TMEM132D: variants seen among roughly 807,000 people sequenced by gnomAD.
The protein encoded by TMEM132D is transmembrane protein 132D.
Under a neutral mutation model 62.3 loss-of-function variants are expected in TMEM132D, and 21 were observed. That is an observed-to-expected ratio of 0.34 (90% CI 0.24 to 0.49). The LOEUF (loss-of-function observed/expected upper bound fraction) is 0.49. Among genes scored for constraint, TMEM132D ranks in the 20% least tolerant of loss-of-function variants. TMEM132D has a pLI of 0.99. For synonymous variants in TMEM132D, 621 were observed against 575.6 expected (o/e 1.08, Z -1.13); for missense variants, 1,346 against 1,402.8 (o/e 0.96, Z 0.65).
At chr12:129,895,114 C>G (rs1014022489) in intron 1 of TMEM132D, among the ~76,000 whole-genome samples, 1 of 152,160 alleles carries the variant, frequency 6.6e-6, no homozygotes, top group African/African-American at 2.4e-5. Flanking sequence ...GGAACGTGCT[C>G]AAGGTTCATA....
At chr12:129,340,139 A>G (rs1054746576) in intron 3 of TMEM132D, among the ~76,000 whole-genome samples, 1 of 152,120 alleles carries the variant, frequency 6.6e-6, no homozygotes, top group Non-Finnish European at 1.5e-5. Context: ...CCTTTACTTC[A>G]TCTAATTTTA....
chr12:129,861,342 T>G (rs1427037727), intron 1 of TMEM132D, among the ~76,000 whole-genome samples: 2 of 152,184 alleles, frequency 1.3e-5, no homozygotes, highest in East Asian at 1.9e-4. Context: ...TGGGAGAAAT[T>G]TAGTTTATAG....
At chr12:129,408,089 C>T (rs1262703792) in intron 3 of TMEM132D, among the ~76,000 whole-genome samples, 1 of 152,062 alleles carries the variant, frequency 6.6e-6, no homozygotes, top group East Asian at 1.9e-4. Flanking sequence ...AAGTGATCTC[C>T]CCCCTCTGGT....
At chr12:129,721,668 T>C (rs897156937) in intron 1 of TMEM132D, among the ~76,000 whole-genome samples, 11 of 152,110 alleles carry the variant, frequency 7.2e-5, no homozygotes, top group African/African-American at 2.7e-4. Flanking sequence ...CAATGACAGA[T>C]GACCATAGGG....
intron 1 of TMEM132D, among the ~76,000 whole-genome samples, chr12:129,744,143 G>A (rs1036834778): frequency 6.6e-6 from 1 of 152,180 alleles, no homozygotes; most frequent in Non-Finnish European, 1.5e-5. Flanking sequence ...GGTGACAGCA[G>A]CTCCTGTCTC....
chr12:129,694,744 C>G (rs1565951494), intron 2 of TMEM132D, among the ~76,000 whole-genome samples: 1 of 152,220 alleles, frequency 6.6e-6, no homozygotes, highest in Non-Finnish European at 1.5e-5. Context: ...CACAGTGGCT[C>G]ACGCCTGTAA....
chr12:129,794,606 C>T (rs945687381), intron 1 of TMEM132D, among the ~76,000 whole-genome samples: 1 of 152,006 alleles, frequency 6.6e-6, no homozygotes, highest in African/African-American at 2.4e-5. Context: ...TGATATTGAG[C>T]CTTCCATAAT....
At chr12:129,262,016 T>C (rs1036784005) in intron 4 of TMEM132D, among the ~76,000 whole-genome samples, 3 of 152,004 alleles carry the variant, frequency 2.0e-5, no homozygotes, top group African/African-American at 7.2e-5. Context: ...GGAGGCATCA[T>C]TGAGAGAGTA....
At chr12:129,350,229 G>C (rs1051668806) in intron 3 of TMEM132D, among the ~76,000 whole-genome samples, 2 of 152,092 alleles carry the variant, frequency 1.3e-5, no homozygotes, top group Non-Finnish European at 2.9e-5. Flanking sequence ...GGAAATCAAA[G>C]ACTTCTCTTC....
At chr12:129,264,849 T>C (rs1000966066) in intron 4 of TMEM132D, among the ~76,000 whole-genome samples, 1 of 152,162 alleles carries the variant, frequency 6.6e-6, no homozygotes. Flanking sequence ...CTCACTGATA[T>C]GTGGGAGCTA....
intron 4 of TMEM132D, among the ~76,000 whole-genome samples, chr12:129,313,079 A>G (rs1205707132): frequency 1.3e-5 from 2 of 152,182 alleles, no homozygotes; most frequent in East Asian, 3.9e-4. Context: ...TTCCGGACAC[A>G]CTAGCTTGAA....
chr12:129,887,024 G>C (rs1386797590), intron 1 of TMEM132D, among the ~76,000 whole-genome samples: 1 of 152,160 alleles, frequency 6.6e-6, no homozygotes, highest in Non-Finnish European at 1.5e-5. Context: ...AAATTACCCA[G>C]TCTCGGGTAC....
intron 3 of TMEM132D, among the ~76,000 whole-genome samples, chr12:129,367,895 C>T (rs1364760766): frequency 6.6e-6 from 1 of 151,154 alleles, no homozygotes; most frequent in Non-Finnish European, 1.5e-5. Flanking sequence ...AAGTAATTCT[C>T]CTGCCTCAGC....
chr12:129,511,261 T>G (rs1875489208), intron 3 of TMEM132D, among the ~76,000 whole-genome samples: 1 of 152,216 alleles, frequency 6.6e-6, no homozygotes. Flanking sequence ...TTCTATAGAA[T>G]TTCACATAAA....
At chr12:129,076,044 TGC>T (rs768527823) in intron 8 of TMEM132D, among the ~76,000 whole-genome samples, 543 of 152,124 alleles carry the variant, frequency 3.6e-3, no homozygotes, top group Non-Finnish European at 6.4e-3. Flanking sequence ...AGACAGCTGC[TGC>T]CATTAGAGCC....
In TMEM132D at chr12:129,300,914, C is replaced by A. The variant is rs528502239; in HGVS notation, c.1299+36720G>T. On this transcript the variant is annotated intron_variant, in intron 4 of 8. Coordinates refer to ENST00000422113, the MANE Select transcript of TMEM132D (RefSeq NM_133448.3). ...CTCCAATCTGGTGCTTCACTTCAAC[C>A]TTTCCTTTATCCTCACACTCCCTAC... is the stretch of plus-strand genomic sequence containing the variant. 4.2e-4 allele frequency among the ~76,000 whole-genome samples: 64 copies of A among 152,306 alleles called. No individual in the cohort carries two copies. In the South Asian group the frequency reaches 0.012, roughly 30 times the overall value.
chr12:129,074,524 T>G lies in TMEM132D; in HGVS notation c.2651A>C (p.Asp884Ala), dbSNP rs373474487. 1.9e-6 allele frequency: 3 copies of G among 1,613,880 alleles called. No homozygotes were observed. The highest frequency in any genetic ancestry group is 2.5e-6 in the Non-Finnish European group (3 of 1,180,012). The stretch of plus-strand genomic sequence containing the variant: ...CACCTGGGCTGGGAAGCTGGTGAGG[T>G]CGCTGGGGATGGTCTGCAAGTGGCT... ...DNSHLQTIPSDLTSFPAQVDL... is the reference protein window; with the variant it reads ...DNSHLQTIPSALTSFPAQVDL... Residue 884 changes from aspartate (D) to alanine (A), a missense_variant, in exon 9 of 9, where the codon GAC (aspartate) becomes GCC (alanine). Coordinates refer to ENST00000422113, the MANE Select transcript of TMEM132D (RefSeq NM_133448.3).
At chr12:129,305,280 G>A (rs546837387) in intron 4 of TMEM132D, among the ~76,000 whole-genome samples, 22 of 124,798 alleles carry the variant, frequency 1.8e-4, no homozygotes, top group African/African-American at 6.5e-4. Context: ...AATTGCTCAA[G>A]CCTAAAGAAT....
At chr12:129,663,825 T>C (rs969117400) in intron 2 of TMEM132D, among the ~76,000 whole-genome samples, 1 of 152,184 alleles carries the variant, frequency 6.6e-6, no homozygotes, top group African/African-American at 2.4e-5. Flanking sequence ...CTGCTTTGCA[T>C]TATGAGAGAT....
Sources: allele counts gnomAD v4.1 joint callset (sites outside exome capture counted in the v4.1 genomes callset), GRCh38; gene constraint gnomAD v4.1.1; transcripts MANE v1.5; gene names NCBI Gene and HGNC (gene_info 2026-07-23, HGNC 2026-07-21).